The following RGS6 variants were observed in gnomAD, a reference collection of about 807,000 sequenced individuals.
RGS6 encodes regulator of G protein signaling 6, also known as regulator of G-protein signaling 6.
A neutral mutation model predicts 78.5 loss-of-function variants in RGS6; 30 were observed. The observed-to-expected ratio is 0.38, with a 90% CI of 0.29 to 0.52. RGS6 has a LOEUF of 0.52. Ranked by LOEUF, RGS6 falls within the 20% of genes least tolerant of loss-of-function variation. RGS6 has a pLI of 0.85. For missense variants in RGS6, 495 were observed against 609.7 expected, an observed-to-expected ratio of 0.81 and a Z score of 1.98; for synonymous variants, 206 against 206.0, an observed-to-expected ratio of 1.00 and a Z score of 0.00.
the RGS6 span, among the ~76,000 whole-genome samples, chr14:72,577,687 A>G: frequency 1.3e-5 from 2 of 152,224 alleles, no homozygotes; most frequent in African/African-American, 4.8e-5. Flanking sequence ...AGGCAACTCA[A>G]GACTGCGTGG....
At chr14:72,061,249 A>G (rs780491827) in intron 2 of RGS6, among the ~76,000 whole-genome samples, 40 of 152,192 alleles carry the variant, frequency 2.6e-4, no homozygotes, top group Non-Finnish European at 4.7e-4. Flanking sequence ...GGTAAGATAA[A>G]TTATTGACAA....
At chr14:72,475,059 G>C (rs181032726) in intron 10 of RGS6, among the ~76,000 whole-genome samples, 1 of 152,164 alleles carries the variant, frequency 6.6e-6, no homozygotes, top group Non-Finnish European at 1.5e-5. Flanking sequence ...CCTGAAAGAG[G>C]GTCAGGTGTT....
intron 2 of RGS6, among the ~76,000 whole-genome samples, chr14:72,172,665 T>C (rs2097040921): frequency 6.6e-6 from 1 of 152,166 alleles, no homozygotes; most frequent in Admixed American, 6.5e-5. Flanking sequence ...AATTTGGCAT[T>C]GGATCTAGCA....
chr14:71,891,171 G>A, the RGS6 span, among the ~76,000 whole-genome samples: 4 of 152,316 alleles, frequency 2.6e-5, no homozygotes, highest in South Asian at 8.3e-4. Context: ...TTCTCACCCA[G>A]ATCTCCTGTA....
At chr14:71,961,672 G>C (rs1211408936) in intron 1 of RGS6, among the ~76,000 whole-genome samples, 1 of 152,106 alleles carries the variant, frequency 6.6e-6, no homozygotes, top group Admixed American at 6.5e-5. Flanking sequence ...TTTTCCTCTT[G>C]GGTTAGCTGT....
chr14:72,320,977 G>A (rs1595767318), intron 2 of RGS6, among the ~76,000 whole-genome samples: 2 of 150,052 alleles, frequency 1.3e-5, no homozygotes, highest in Non-Finnish European at 3.0e-5. Flanking sequence ...ATAAGTGTAG[G>A]AATGAACATA....
At chr14:72,580,250 C>T in the RGS6 span, among the ~76,000 whole-genome samples, 1,713 of 151,908 alleles carry the variant, frequency 0.011, 32 homozygotes, top group African/African-American at 0.04. Context: ...CTTAAAATGT[C>T]CTGCCTTGTG....
chr14:71,957,568 C>A (rs778249867), intron 1 of RGS6, among the ~76,000 whole-genome samples: 1 of 151,848 alleles, frequency 6.6e-6, no homozygotes, highest in Non-Finnish European at 1.5e-5. Context: ...TGTGGGGAGT[C>A]GGAGGGGTTG....
chr14:72,026,621 G>A (rs990374856), intron 2 of RGS6, among the ~76,000 whole-genome samples: 6 of 152,170 alleles, frequency 3.9e-5, no homozygotes, highest in Non-Finnish European at 8.8e-5. Flanking sequence ...GCACCCACGT[G>A]CTGTCAACCC....
chr14:72,483,463 C>T, intron 12 of RGS6, among the ~76,000 whole-genome samples: 1 of 152,116 alleles, frequency 6.6e-6, no homozygotes, highest in East Asian at 1.9e-4. Context: ...CTGGTTCTTC[C>T]TCCACCTCCT....
intron 2 of RGS6, among the ~76,000 whole-genome samples, chr14:72,203,149 A>G (rs544744212): frequency 6.6e-6 from 1 of 152,134 alleles, no homozygotes; most frequent in Non-Finnish European, 1.5e-5. Flanking sequence ...TGCTGGGATT[A>G]TAGGCGTGAG....
the RGS6 span, among the ~76,000 whole-genome samples, chr14:71,915,826 C>T: frequency 2.0e-5 from 3 of 152,076 alleles, no homozygotes; most frequent in Non-Finnish European, 2.9e-5. Flanking sequence ...GTTAGAATGA[C>T]GTTGTTAGGA....
At chr14:72,478,053 T>G (rs1297966606) in intron 11 of RGS6, among the ~76,000 whole-genome samples, 1 of 152,060 alleles carries the variant, frequency 6.6e-6, no homozygotes, top group Non-Finnish European at 1.5e-5. Context: ...TAGGAGGAGA[T>G]GAGACAAAGG....
At chr14:72,403,991 T>C (rs970103102) in intron 3 of RGS6, among the ~76,000 whole-genome samples, 31 of 152,202 alleles carry the variant, frequency 2.0e-4, no homozygotes, top group Non-Finnish European at 4.1e-4. Flanking sequence ...AGCTATTTGA[T>C]GGAGCCTTTC....
chr14:72,121,078 C>G (rs114934513), intron 2 of RGS6, among the ~76,000 whole-genome samples: 167 of 152,196 alleles, frequency 1.1e-3, no homozygotes, highest in African/African-American at 4.0e-3. Context: ...CTCTTTTAAC[C>G]GCATCTCTCT....
intron 2 of RGS6, among the ~76,000 whole-genome samples, chr14:72,116,599 G>T (rs1044010433): frequency 1.3e-5 from 2 of 151,914 alleles, no homozygotes; most frequent in African/African-American, 4.8e-5. Flanking sequence ...ATCCTCAGTT[G>T]AGAACCTGTG....
chr14:72,113,762 C>T (rs993536968), intron 2 of RGS6, among the ~76,000 whole-genome samples: 1 of 152,134 alleles, frequency 6.6e-6, no homozygotes, highest in African/African-American at 2.4e-5. Flanking sequence ...GCACATCTTT[C>T]AGGCTTAGAC....
rs1351445213 is a variant in RGS6 at position 72,424,795 on chromosome 14, T to C, written c.185-29733T>C. ...TGCCATCAGATCCAGGCATCTGAGT[T>C]CTGGGGGGGCAATGCTATAATCCCT... On this transcript the variant is annotated intron_variant, in intron 3 of 17. Coordinates refer to ENST00000553525, the MANE Select transcript of RGS6 (RefSeq NM_001204424.2). 2.6e-5 allele frequency among the ~76,000 whole-genome samples: 4 copies of C among 152,316 alleles called. No individual in the cohort carries two copies. The East Asian group carries it at 5.8e-4, about 22-fold the overall frequency.
At chr14:72,503,789 G>C (rs2096761394) in intron 13 of RGS6, among the ~76,000 whole-genome samples, 1 of 152,214 alleles carries the variant, frequency 6.6e-6, no homozygotes, top group African/African-American at 2.4e-5. Context: ...CTGGGCTGAT[G>C]CTCTGGTCTT....
Sources: allele counts gnomAD v4.1 joint callset (sites outside exome capture counted in the v4.1 genomes callset), GRCh38; gene constraint gnomAD v4.1.1; transcripts MANE v1.5; gene names NCBI Gene and HGNC (gene_info 2026-07-23, HGNC 2026-07-21).